RYR1: variants seen among roughly 807,000 people sequenced by gnomAD.
RYR1 encodes the protein ryanodine receptor 1, also known as central core disease of muscle.
A neutral mutation model predicts 583.5 loss-of-function variants in RYR1; 342 were observed. The ratio of observed to expected loss-of-function variants is 0.59; its 90% CI spans 0.54 to 0.64. The LOEUF (loss-of-function observed/expected upper bound fraction) is 0.64, where lower values mean the gene tolerates loss of function less well. Ranked by LOEUF, RYR1 falls within the 30% of genes least tolerant of loss-of-function variation. The probability of loss-of-function intolerance (pLI) is 0.00; values close to 1 mark genes in which losing one functional copy is unlikely to be tolerated. For missense variants in RYR1, 6,032 were observed against 6,917.2 expected (o/e 0.87, Z 4.54); for synonymous variants, 2,791 against 2,822.5 (o/e 0.99, Z 0.35).
chr19:38,537,954 A>G lies in RYR1; in HGVS notation c.11683A>G (p.Asn3895Asp), dbSNP rs544957104. Residue 3895 changes from asparagine (N) to aspartate (D), a missense_variant, in exon 84 of 106, where the codon AAT becomes GAT. Coordinates refer to ENST00000359596, the MANE Select transcript of RYR1 (RefSeq NM_000540.3). ...RFLQLLCEGH[N>D]NDFQNYLRTQ... ...CCTACAATTGCTCTGTGAGGGGCAC[A>G]ATAATGGTGAGGAGGAGGGGTGTGG... 24 of 1,613,946 alleles carry G rather than the reference A, an allele frequency of 1.5e-5. No individual in the cohort carries two copies. In the East Asian group the frequency reaches 2.9e-4, roughly 19 times the overall value.
chr19:38,507,005 A>G (rs1222965714), intron 57 of RYR1, 53 bp downstream of exon 57: 1 of 1,611,048 alleles, frequency 6.2e-7, no homozygotes, highest in Non-Finnish European at 8.5e-7. Context: ...ACACCCGGCA[A>G]AGGCTGGAAG....
intron 84 of RYR1, among the ~76,000 whole-genome samples, chr19:38,542,201 A>G (rs1458294198): frequency 6.6e-6 from 1 of 151,928 alleles, no homozygotes; most frequent in East Asian, 1.9e-4. Context: ...GGATGTGACA[A>G]TCTTAATCTC....
intron 89 of RYR1, among the ~76,000 whole-genome samples, chr19:38,560,129 G>A (rs1003866246): frequency 6.6e-6 from 1 of 151,940 alleles, no homozygotes; most frequent in African/African-American, 2.4e-5. Context: ...TTTGGGAGGC[G>A]GAGGAGGGCA....
intron 78 of RYR1, among the ~76,000 whole-genome samples, chr19:38,533,530 A>G (rs1442105291): frequency 1.3e-5 from 2 of 152,166 alleles, no homozygotes; most frequent in African/African-American, 4.8e-5. Flanking sequence ...AGTGGCTCAC[A>G]CTTGTAATTC....
At chr19:38,553,111 T>G (rs1014536338) in intron 89 of RYR1, among the ~76,000 whole-genome samples, 1 of 152,072 alleles carries the variant, frequency 6.6e-6, no homozygotes, top group Non-Finnish European at 1.5e-5. Flanking sequence ...GGCAGGCAGA[T>G]CACTTGAGGT....
rs985878458 is a variant in RYR1 at position 38,459,183 on chromosome 19, C to T, written c.2205C>T (p.His735=). Residue 735 remains histidine, a synonymous_variant, in exon 19 of 106, where the codon CAC becomes CAT. Transcript: ENST00000359596. ...VARPVTSPGQ[H]LLAPEDVISC... ...GCCCAGTGACTTCCCCAGGGCAGCACCTCCTGGCCCCTGAAGACGTGATCA... is the reference window on the plus strand; with the variant it reads ...GCCCAGTGACTTCCCCAGGGCAGCATCTCCTGGCCCCTGAAGACGTGATCA... The T allele has an allele frequency of 3.7e-6, 6 of 1,613,924 alleles. No individual in the cohort carries two copies. The highest frequency in any genetic ancestry group is 2.2e-5 in the South Asian group (2 of 91,074).
chr19:38,502,081 C>T (rs898807781), intron 47 of RYR1, among the ~76,000 whole-genome samples: 1 of 151,272 alleles, frequency 6.6e-6, no homozygotes, highest in East Asian at 1.9e-4. Context: ...CACTTGAGCC[C>T]AGGAATTCGA....
Position 38,452,900 on chromosome 19 carries a change from G to T in RYR1, c.1326G>T (p.Leu442=). The change falls in exon 13 of 106, where the codon CTG becomes CTT. Residue 442 remains leucine (L), a synonymous_variant. Transcript: ENST00000359596. ...GTALPIEGVI[L]SLQDLIIYFE... Reference sequence around the variant, plus strand: ...CGCTGCCCATCGAGGGCGTTATCCTGAGCCTGCAGGACCTCATCATCTACT... The same window carrying T: ...CGCTGCCCATCGAGGGCGTTATCCTTAGCCTGCAGGACCTCATCATCTACT... The T allele has an allele frequency of 6.2e-7, 1 of 1,613,454 alleles. No homozygotes were observed. Among genetic ancestry groups the T allele is most frequent in the South Asian group, 1.1e-5 (1 of 90,922 alleles).
At chr19:38,443,476 C>A in intron 3 of RYR1, 82 bp from the exon 4 acceptor site, 1 of 1,275,244 alleles carries the variant, frequency 7.8e-7, no homozygotes, top group Non-Finnish European at 1.1e-6. Flanking sequence ...AGCATCTTGT[C>A]ACCTGTGACT....
At position 38,554,731 on chromosome 19, in the gene RYR1, C is replaced by T. The variant is rs553417107; in HGVS notation, c.12282+6311C>T. ...TAAGGGATCCTCCTGCCTCAGCCTC[C>T]CAAAGCGCTGGGATTACAGGAATGA... On this transcript the variant is annotated intron_variant, in intron 89 of 105. Coordinates refer to ENST00000359596, the MANE Select transcript of RYR1 (RefSeq NM_000540.3). Among the ~76,000 whole-genome samples, 5 of 152,094 alleles carry T rather than the reference C, an allele frequency of 3.3e-5. No individual in the cohort carries two copies. In the South Asian group the frequency reaches 1.0e-3, roughly 32 times the overall value.
chr19:38,518,263 G>A (rs1030737120), intron 66 of RYR1, among the ~76,000 whole-genome samples: 17 of 152,060 alleles, frequency 1.1e-4, no homozygotes, highest in African/African-American at 4.1e-4. Context: ...TCCTGATTCA[G>A]AAGTTTCATG....
At chr19:38,507,042 G>A (rs1295024646) in intron 57 of RYR1, 90 bp downstream of exon 57, 1 of 1,586,718 alleles carries the variant, frequency 6.3e-7, no homozygotes, top group Non-Finnish European at 8.6e-7. Flanking sequence ...GGGTGGAGCC[G>A]AGAGGAACGG....
Position 38,463,543 on chromosome 19 carries a change from C to T in RYR1, c.2682+16C>T, listed in dbSNP as rs1387690261. ...CTACGGCCCGGTGAGGGGCTGCCTG[C>T]AGCCTGCGGGAGGCCGGCTAGACTT... On this transcript the variant is annotated intron_variant, in intron 21 of 105. Coordinates refer to ENST00000359596, the MANE Select transcript of RYR1 (RefSeq NM_000540.3). 1 of 1,608,544 alleles carries T rather than the reference C, an allele frequency of 6.2e-7. No individual in the cohort carries two copies. Among genetic ancestry groups the T allele is most frequent in the Middle Eastern group, 1.7e-4 (1 of 6,058 alleles).
chr19:38,501,994 A>G (rs1970143286), intron 47 of RYR1, among the ~76,000 whole-genome samples: 1 of 151,542 alleles, frequency 6.6e-6, no homozygotes, highest in Non-Finnish European at 1.5e-5. Context: ...TCAGAAAAAA[A>G]AAAGAAAAAT....
chr19:38,519,285 C>T lies in RYR1; in HGVS notation c.10090C>T (p.Arg3364Trp). 1 of 1,614,112 alleles carries T rather than the reference C, an allele frequency of 6.2e-7. No homozygotes were observed. Among genetic ancestry groups the T allele is most frequent in the Admixed American group, 1.7e-5 (1 of 60,016 alleles). The change falls in exon 67 of 106, where the codon CGG becomes TGG. Residue 3364 changes from arginine (R) to tryptophan (W), a missense_variant. Arg to Trp is a moderately radical substitution (Grantham distance 101). This residue lies in a region of RYR1 where 1,493 missense variants were observed against 1,715.5 expected (regional missense o/e 0.87). Coordinates refer to ENST00000359596, the MANE Select transcript of RYR1 (RefSeq NM_000540.3). The part of the protein sequence containing the change: ...LQSHFIPTIG[R>W]LRKRAGKVVS... ...GTCCCACTTCATCCCAACTATCGGG[C>T]GGCTGCGCAAGAGGGCAGGGAAGGT...
chr19:38,486,336 C>T, intron 34 of RYR1, 134 bp downstream of exon 34: 2 of 1,131,126 alleles, frequency 1.8e-6, no homozygotes, highest in South Asian at 1.3e-5. Context: ...CATCCATCCA[C>T]CTTTCTTTTT....
In RYR1 at chr19:38,559,671, A is replaced by G. The variant is rs1038315772; in HGVS notation, c.12283-1442A>G. Among the ~76,000 whole-genome samples, 4 of 152,024 alleles carry G rather than the reference A, an allele frequency of 2.6e-5. No homozygotes were observed. The East Asian group carries it at 7.8e-4, about 29-fold the overall frequency. ...TCTGTGGTTTCTAGAGCCCTTCATG[A>G]TTTGCAAAGCATGTTACTCATTTAG... On this transcript the variant is annotated intron_variant, in intron 89 of 105. Coordinates refer to ENST00000359596, the MANE Select transcript of RYR1 (RefSeq NM_000540.3).
At chr19:38,573,688 C>A (rs191374729) in intron 96 of RYR1, among the ~76,000 whole-genome samples, 7 of 150,770 alleles carry the variant, frequency 4.6e-5, no homozygotes, top group Admixed American at 3.3e-4. Context: ...CCCCTTCCCC[C>A]CAGACAAAAA....
intron 29 of RYR1, among the ~76,000 whole-genome samples, chr19:38,475,678 G>A (rs1310689697): frequency 6.6e-6 from 1 of 152,204 alleles, no homozygotes; most frequent in African/African-American, 2.4e-5. Context: ...GAGGTGTACA[G>A]CACACTGATA....
Sources: gnomAD v4.1 joint callset for allele counts (sites outside exome capture counted in the v4.1 genomes callset) on GRCh38, gnomAD v4.1.1 for gene constraint, gnomAD v4.1.1 regional missense constraint, MANE v1.5 for transcripts, NCBI Gene and HGNC (gene_info 2026-07-23, HGNC 2026-07-21) for gene names.